ISL1: variants seen among roughly 807,000 people sequenced by gnomAD.
ISL1 encodes the protein insulin gene enhancer protein ISL-1.
In ISL1, 4 loss-of-function variants were observed where a neutral mutation model predicts 35.3. That is an observed-to-expected ratio of 0.11 (90% confidence interval 0.06 to 0.26). The LOEUF (loss-of-function observed/expected upper bound fraction) is 0.26, where lower values mean the gene tolerates loss of function less well. Among genes scored for constraint, ISL1 ranks in the 10% least tolerant of loss-of-function variants. The pLI, the probability that ISL1 is intolerant of heterozygous loss-of-function variation, is 1.00. For synonymous variants in ISL1, 186 were observed against 172.3 expected (o/e 1.08, Z -0.62); for missense variants, 340 against 472.8 (o/e 0.72, Z 2.60).
At chr5:51,386,954 G>A (rs1427503489) in intron 2 of ISL1, among the ~76,000 whole-genome samples, 2 of 152,112 alleles carry the variant, frequency 1.3e-5, no homozygotes, top group African/African-American at 2.4e-5. Context: ...CGAGTGGGGT[G>A]ACAATCCCCT....
In ISL1 at chr5:51,384,750, T is replaced by G. The variant is rs374264309; in HGVS notation, c.218+20T>G. 4 of 1,602,692 alleles carry G rather than the reference T, an allele frequency of 2.5e-6. No homozygotes were observed. The highest frequency in any genetic ancestry group is 3.4e-6 in the Non-Finnish European group (4 of 1,169,580). On this transcript the variant is annotated intron_variant, in intron 2 of 5. Transcript: ENST00000230658. ...TATCAGGTATGGCATTTACACTTCTTTCTTAATTTTGTGGGATTTCCCTGA... is the reference window on the plus strand; with the variant it reads ...TATCAGGTATGGCATTTACACTTCTGTCTTAATTTTGTGGGATTTCCCTGA...
Position 51,384,663 on chromosome 5 carries a change from T to G in ISL1, c.151T>G (p.Tyr51Asp). 6.2e-7 allele frequency: 1 copy of G among 1,614,122 alleles called. No homozygotes were observed. The highest frequency in any genetic ancestry group is 8.5e-7 in the Non-Finnish European group (1 of 1,179,988). ...TTTGAAATGTGCGGAGTGTAATCAG[T>G]ATTTGGACGAGAGCTGTACATGCTT... is the stretch of plus-strand genomic sequence containing the variant. Reference protein sequence around the residue: ...ACLKCAECNQYLDESCTCFVR... With the variant: ...ACLKCAECNQDLDESCTCFVR... The change falls in exon 2 of 6, where the codon TAT (tyrosine) becomes GAT (aspartate). Residue 51 changes from tyrosine (Y) to aspartate (D), a missense_variant. Around this residue, in one of 7 missense-constraint regions of ISL1, gnomAD observed 70 missense variants for 130.3 expected, o/e 0.54. Transcript: ENST00000230658.
intron 5 of ISL1, among the ~76,000 whole-genome samples, chr5:51,392,565 A>C (rs888552572): frequency 6.6e-6 from 1 of 152,228 alleles, no homozygotes; most frequent in African/African-American, 2.4e-5. Context: ...GAAGTCCCTT[A>C]ATCTCATATT....
chr5:51,383,448 G>T lies in ISL1; in HGVS notation c.-224G>T, dbSNP rs1365788240. On this transcript the variant is annotated 5_prime_UTR_variant, in exon 1 of 6. Transcript: ENST00000230658. ...GGAAGAGAGGTGCCCGAGCCGCGCCGAGTCTGCCGCCGCCGCAGCGCCTCC... is the reference window on the plus strand; with the variant it reads ...GGAAGAGAGGTGCCCGAGCCGCGCCTAGTCTGCCGCCGCCGCAGCGCCTCC... 3 of 615,270 alleles carry T rather than the reference G, an allele frequency of 4.9e-6. No individual in the cohort carries two copies. The East Asian group carries it at 8.2e-5, about 17-fold the overall frequency. The allele number at this position is 615,270 out of a possible 1,614,324, so 38.1% of individuals were successfully genotyped here. A position where few individuals can be genotyped will look rare whatever the true frequency, so the allele number is the denominator to read the frequency against.
intron 2 of ISL1, among the ~76,000 whole-genome samples, chr5:51,384,937 G>A (rs868269233): frequency 6.6e-6 from 1 of 152,244 alleles, no homozygotes; most frequent in Admixed American, 6.5e-5. Flanking sequence ...ACCCTTAACA[G>A]TGGTATTCAT....
At position 51,394,361 on chromosome 5, in the gene ISL1, T is replaced by C. The variant is rs1466307973; in HGVS notation, c.*751T>C. 6.6e-6 allele frequency: 1 copy of C among 152,560 alleles called. No homozygotes were observed. The highest frequency in any genetic ancestry group is 1.5e-5 in the Non-Finnish European group (1 of 68,040). The allele number at this position is 152,560 out of a possible 1,614,324, so 9.5% of individuals were successfully genotyped here. On this transcript the variant is annotated 3_prime_UTR_variant, in exon 6 of 6. Coordinates refer to ENST00000230658, the MANE Select transcript of ISL1 (RefSeq NM_002202.3). ...GCGTCTCGGGATTGTGTTTGACTTG[T>C]GTCTGTCCAAGAACTTTTCCCCCAA... is the stretch of plus-strand genomic sequence containing the variant.
intron 2 of ISL1, among the ~76,000 whole-genome samples, chr5:51,385,358 TCTAA>T (rs1481281974): frequency 2.0e-5 from 3 of 152,348 alleles, no homozygotes; most frequent in Non-Finnish European, 2.9e-5. Flanking sequence ...TTTGGTGACA[TCTAA>T]CTGTCTCTTC....
chr5:51,389,533 G>A lies in ISL1; in HGVS notation c.479-113G>A. ...TGTCCTGAGTATCTCGGGCGGGCGAGCAAGTAAGCGGGCGGGCGGGCGGGC... is the reference window on the plus strand; with the variant it reads ...TGTCCTGAGTATCTCGGGCGGGCGAACAAGTAAGCGGGCGGGCGGGCGGGC... On this transcript the variant is annotated intron_variant, in intron 3 of 5. Coordinates refer to ENST00000230658, the MANE Select transcript of ISL1 (RefSeq NM_002202.3). The surrounding 1 kb of genome is among the most constrained non-coding windows in gnomAD (Gnocchi z 5.0). 2.1e-6 allele frequency: 2 copies of A among 950,722 alleles called. No homozygotes were observed. The highest frequency in any genetic ancestry group is 1.4e-6 in the Non-Finnish European group (1 of 706,676). The allele number at this position is 950,722 out of a possible 1,614,324, so 58.9% of individuals were successfully genotyped here.
Position 51,389,556 on chromosome 5 carries a change from G to T in ISL1, c.479-90G>T. On this transcript the variant is annotated intron_variant, in intron 3 of 5. Transcript: ENST00000230658. This position sits in a 1 kb window ranked among gnomAD's most constrained non-coding sequence, Gnocchi z 5.0. ...GAGCAAGTAAGCGGGCGGGCGGGCGGGCAAGCGAGCGAGCGAGCGAGCGCG... is the reference window on the plus strand; with the variant it reads ...GAGCAAGTAAGCGGGCGGGCGGGCGTGCAAGCGAGCGAGCGAGCGAGCGCG... 2 of 1,133,496 alleles carry T rather than the reference G, an allele frequency of 1.8e-6. No homozygotes were observed. The highest frequency in any genetic ancestry group is 4.3e-5 in the South Asian group (2 of 46,940). The allele number at this position is 1,133,496 out of a possible 1,614,324, so 70.2% of individuals were successfully genotyped here.
rs372022305 is a variant in ISL1 at position 51,383,651 on chromosome 5, A to G, written c.-21A>G. ...CTGTACAACCACCATTTCACTGTGGACATTACTCCCTCTTACAGATATGGG... is the reference window on the plus strand; with the variant it reads ...CTGTACAACCACCATTTCACTGTGGGCATTACTCCCTCTTACAGATATGGG... On this transcript the variant is annotated 5_prime_UTR_variant, in exon 1 of 6. Coordinates refer to ENST00000230658, the MANE Select transcript of ISL1 (RefSeq NM_002202.3). 2 of 1,599,922 alleles carry G rather than the reference A, an allele frequency of 1.3e-6. No individual in the cohort carries two copies. The highest frequency in any genetic ancestry group is 4.5e-5 in the East Asian group (2 of 44,798).
intron 5 of ISL1, 88 bp from the exon 6 acceptor site, chr5:51,393,406 A>G (rs771812605): frequency 3.7e-6 from 3 of 811,894 alleles, no homozygotes; most frequent in Admixed American, 3.5e-5. Context: ...CTACACAAAC[A>G]TTTCTACATA....
Position 51,389,444 on chromosome 5 carries a change from A to G in ISL1, c.479-202A>G, listed in dbSNP as rs1580729000. Among the ~76,000 whole-genome samples the G allele has an allele frequency of 1.3e-5, 2 of 148,482 alleles. No individual in the cohort carries two copies. The highest frequency in any genetic ancestry group is 3.0e-5 in the Non-Finnish European group (2 of 67,584). ...AGAGGAAGATTTTATTCTCCCTTTC[A>G]CCCTCTTCGCCCCCACCTCTGCCGC... On this transcript the variant is annotated intron_variant, in intron 3 of 5. Coordinates refer to ENST00000230658, the MANE Select transcript of ISL1 (RefSeq NM_002202.3). The surrounding 1 kb of genome is among the most constrained non-coding windows in gnomAD (Gnocchi z 5.0).
Position 51,383,523 on chromosome 5 carries a change from G to A in ISL1, c.-149G>A. 1 of 753,238 alleles carries A rather than the reference G, an allele frequency of 1.3e-6. No individual in the cohort carries two copies. The highest frequency in any genetic ancestry group is 2.4e-6 in the Non-Finnish European group (1 of 416,154). 46.7% of individuals were successfully genotyped at this position (753,238 alleles called of 1,614,324 possible). Reference sequence around the variant, plus strand: ...ATTGGACTCCTAGATCCGCGAGGGCGCGGCGCAGCCGAGCAGCGGCTCTTT... The same window carrying A: ...ATTGGACTCCTAGATCCGCGAGGGCACGGCGCAGCCGAGCAGCGGCTCTTT... On this transcript the variant is annotated 5_prime_UTR_variant, in exon 1 of 6. Transcript: ENST00000230658.
rs532316340 is a variant in ISL1 at position 51,383,458 on chromosome 5, C to T, written c.-214C>T. 8.1e-6 allele frequency: 5 copies of T among 617,738 alleles called. No individual in the cohort carries two copies. The highest frequency in any genetic ancestry group is 7.7e-5 in the South Asian group (4 of 51,876). 38.3% of individuals were successfully genotyped at this position (617,738 alleles called of 1,614,324 possible). A position where few individuals can be genotyped will look rare whatever the true frequency, so the allele number is the denominator to read the frequency against. On this transcript the variant is annotated 5_prime_UTR_variant, in exon 1 of 6. Coordinates refer to ENST00000230658, the MANE Select transcript of ISL1 (RefSeq NM_002202.3). ...TGCCCGAGCCGCGCCGAGTCTGCCGCCGCCGCAGCGCCTCCGCTCCGCCAA... is the reference window on the plus strand; with the variant it reads ...TGCCCGAGCCGCGCCGAGTCTGCCGTCGCCGCAGCGCCTCCGCTCCGCCAA...
chr5:51,387,270 G>A lies in ISL1; in HGVS notation c.219-220G>A, dbSNP rs1033299612. 1.3e-5 allele frequency among the ~76,000 whole-genome samples: 2 copies of A among 152,132 alleles called. No homozygotes were observed. The highest frequency in any genetic ancestry group is 2.4e-5 in the African/African-American group (1 of 41,418). ...GGAGTAAAAGAAAGGGAGGAGGGAGGGAGGGGAAAAGAGAGATGGGGGAAG... is the reference window on the plus strand; with the variant it reads ...GGAGTAAAAGAAAGGGAGGAGGGAGAGAGGGGAAAAGAGAGATGGGGGAAG... On this transcript the variant is annotated intron_variant, in intron 2 of 5. Coordinates refer to ENST00000230658, the MANE Select transcript of ISL1 (RefSeq NM_002202.3). This position sits in a 1 kb window ranked among gnomAD's most constrained non-coding sequence, Gnocchi z 4.3.
chr5:51,391,189 G>A, intron 4 of ISL1, 85 bp from the exon 5 acceptor site: 1 of 1,320,084 alleles, frequency 7.6e-7, no homozygotes. Context: ...TAATACCAGG[G>A]TATATTTGCT....
chr5:51,389,663 A>G lies in ISL1; in HGVS notation c.496A>G (p.Arg166Gly). 3.1e-6 allele frequency: 5 copies of G among 1,610,554 alleles called. No individual in the cohort carries two copies. In the South Asian group the frequency reaches 5.5e-5, roughly 18 times the overall value. Residue 166 changes from arginine to glycine, a missense_variant, in exon 4 of 6, where the codon AGG becomes GGG. Arg to Gly is a moderately radical substitution (Grantham distance 125). Around this residue, in one of 7 missense-constraint regions of ISL1, gnomAD observed 94 missense variants for 102.1 expected, o/e 0.92. Coordinates refer to ENST00000230658, the MANE Select transcript of ISL1 (RefSeq NM_002202.3). This position sits in a 1 kb window ranked among gnomAD's most constrained non-coding sequence, Gnocchi z 5.0. The part of the protein sequence containing the change: ...LQMAAEPISA[R>G]QPALRPHVHK... Reference sequence around the variant, plus strand: ...CCCCGCAGCGGAGCCCATCTCCGCCAGGCAGCCAGCCCTGCGGCCCCACGT... The same window carrying G: ...CCCCGCAGCGGAGCCCATCTCCGCCGGGCAGCCAGCCCTGCGGCCCCACGT...
intron 1 of ISL1, among the ~76,000 whole-genome samples, chr5:51,384,006 G>C (rs1245317495): frequency 6.6e-6 from 1 of 152,036 alleles, no homozygotes; most frequent in African/African-American, 2.4e-5. Flanking sequence ...ATGTTGCAAA[G>C]GTCTGCCTGC....
At chr5:51,384,093 C>T (rs1215852054) in intron 1 of ISL1, among the ~76,000 whole-genome samples, 3 of 152,174 alleles carry the variant, frequency 2.0e-5, no homozygotes, top group Non-Finnish European at 1.5e-5. Flanking sequence ...TATGCCTGCT[C>T]TTGCTAACAA....
Sources: gnomAD v4.1 joint callset for allele counts (sites outside exome capture counted in the v4.1 genomes callset) on GRCh38, gnomAD v4.1.1 for gene constraint, gnomAD v4.1.1 regional missense constraint, Gnocchi (gnomAD v3.1) non-coding constraint, MANE v1.5 for transcripts, NCBI Gene and HGNC (gene_info 2026-07-23, HGNC 2026-07-21) for gene names.